SEMA3D: variants seen among roughly 807,000 people sequenced by gnomAD.
SEMA3D encodes semaphorin 3D.
Under a neutral mutation model 100.1 loss-of-function variants are expected in SEMA3D, and 84 were observed. The observed-to-expected ratio is 0.84, with a 90% confidence interval of 0.70 to 1.01. The LOEUF is 1.01. Among genes scored for constraint, SEMA3D ranks in the 50% least tolerant of loss-of-function variants. The pLI, the probability that SEMA3D is intolerant of heterozygous loss-of-function variation, is 0.00. For missense variants in SEMA3D, 875 were observed against 934.1 expected (o/e 0.94, Z 0.82); for synonymous variants, 312 against 320.7 (o/e 0.97, Z 0.29).
intron 2 of SEMA3D, among the ~76,000 whole-genome samples, chr7:85,143,644 A>C (rs73181449): frequency 2.0e-5 from 3 of 152,250 alleles, no homozygotes; most frequent in Admixed American, 6.6e-5. Context: ...TATGCAGCAC[A>C]TGACTGTAAT....
chr7:85,189,188 G>T (rs1386276602), upstream of SEMA3D, among the ~76,000 whole-genome samples: 1 of 152,126 alleles, frequency 6.6e-6, no homozygotes, highest in Non-Finnish European at 1.5e-5. Context: ...CCTCAGCTGT[G>T]TCCATGGCTC....
At chr7:85,091,171 AAAGAAG>A (rs1788382863) in intron 4 of SEMA3D, among the ~76,000 whole-genome samples, 1 of 124,720 alleles carries the variant, frequency 8.0e-6, no homozygotes, top group African/African-American at 4.5e-5. Context: ...GGAAGGAAGG[AAAGAAG>A]GAAGGAAGGA....
At chr7:85,128,154 TTTATTTTA>T (rs963764086) in intron 2 of SEMA3D, among the ~76,000 whole-genome samples, 1 of 151,382 alleles carries the variant, frequency 6.6e-6, no homozygotes, top group African/African-American at 2.4e-5. Flanking sequence ...TTTATTTTAT[TTTATTTTA>T]TTATTTTATT....
At chr7:85,194,858 C>T in the SEMA3D span, among the ~76,000 whole-genome samples, 2 of 151,992 alleles carry the variant, frequency 1.3e-5, no homozygotes, top group Admixed American at 6.6e-5. Flanking sequence ...CATCATCTTT[C>T]GTGTGTGTGT....
intron 16 of SEMA3D, among the ~76,000 whole-genome samples, 157 bp from the exon 17 acceptor site, chr7:85,013,003 A>AT (rs1364403437): frequency 6.6e-6 from 1 of 151,876 alleles, no homozygotes; most frequent in Admixed American, 6.6e-5. Context: ...TCTAACATTG[A>AT]TTTAAAAAAC....
chr7:85,068,334 CA>C lies in SEMA3D; in HGVS notation c.496-51del, dbSNP rs752774497. 9.1e-6 allele frequency: 9 copies of C among 987,630 alleles called. No homozygotes were observed. In the South Asian group the frequency reaches 1.1e-4, roughly 12 times the overall value. 61.2% of individuals were successfully genotyped at this position (987,630 alleles called of 1,614,324 possible). On this transcript the variant is annotated intron_variant, in intron 6 of 18. Transcript: ENST00000284136. ...GTGAACTTTTTAAAAATATTACAAA[CA>C]GTAAGAATGTGGGAGATACAAACTA...
intron 4 of SEMA3D, among the ~76,000 whole-genome samples, chr7:85,091,818 C>T (rs1788402441): frequency 6.6e-6 from 1 of 152,050 alleles, no homozygotes; most frequent in Non-Finnish European, 1.5e-5. Flanking sequence ...AATGTCTATT[C>T]ACAGTTGGCC....
intron 4 of SEMA3D, among the ~76,000 whole-genome samples, chr7:85,091,436 C>T (rs954601542): frequency 1.3e-5 from 2 of 151,372 alleles, no homozygotes; most frequent in Non-Finnish European, 2.9e-5. Flanking sequence ...ACTCAAAAGT[C>T]CAACTAAGTA....
At chr7:85,226,847 C>T in the SEMA3D span, among the ~76,000 whole-genome samples, 3 of 152,182 alleles carry the variant, frequency 2.0e-5, no homozygotes, top group African/African-American at 7.2e-5. Flanking sequence ...GTGCATGCCA[C>T]GTACTTCTTT....
chr7:85,201,271 T>C, the SEMA3D span, among the ~76,000 whole-genome samples: 8 of 152,302 alleles, frequency 5.3e-5, no homozygotes, highest in East Asian at 1.2e-3. Context: ...CTAGAAGCTG[T>C]GCTTTCTGAA....
the SEMA3D span, among the ~76,000 whole-genome samples, chr7:85,232,801 TAAAC>T: frequency 6.6e-6 from 1 of 152,128 alleles, no homozygotes; most frequent in Non-Finnish European, 1.5e-5. Flanking sequence ...TTGAAACAAA[TAAAC>T]AAGCAAGTAA....
chr7:85,057,651 G>T (rs1583879816), intron 8 of SEMA3D, among the ~76,000 whole-genome samples: 1 of 152,090 alleles, frequency 6.6e-6, no homozygotes, highest in African/African-American at 2.4e-5. Context: ...TTAATGTTGG[G>T]GCTGGGTGTG....
intron 1 of SEMA3D, among the ~76,000 whole-genome samples, chr7:85,182,327 T>A (rs531623965): frequency 6.6e-6 from 1 of 152,316 alleles, no homozygotes; most frequent in Admixed American, 6.5e-5. Context: ...AAAGCCCTAA[T>A]ATTAGAAATA....
At chr7:85,209,354 C>G in the SEMA3D span, among the ~76,000 whole-genome samples, 1 of 151,772 alleles carries the variant, frequency 6.6e-6, no homozygotes, top group Non-Finnish European at 1.5e-5. Context: ...AGAACTAAAA[C>G]TTTGTGCAAA....
the SEMA3D span, among the ~76,000 whole-genome samples, chr7:85,227,872 T>C: frequency 6.6e-6 from 1 of 152,136 alleles, no homozygotes; most frequent in Non-Finnish European, 1.5e-5. Context: ...TCACTCCTTG[T>C]GGTCAATCAT....
rs892195421 is a variant in SEMA3D at position 85,074,640 on chromosome 7, T to A, written c.376-1559A>T. Among the ~76,000 whole-genome samples, 1,379 of 147,890 alleles carry A rather than the reference T, an allele frequency of 9.3e-3. 14 individuals carry two copies. The highest frequency in any genetic ancestry group is 0.032 in the African/African-American group (1,238 of 38,544). On this transcript the variant is annotated intron_variant, in intron 5 of 18. Coordinates refer to ENST00000284136, the MANE Select transcript of SEMA3D (RefSeq NM_001384900.1). ...CAACTGGCATATATATATATATATT[T>A]TTTTTTTTTCTTTGAGACAGGCTGC...
Position 85,168,763 on chromosome 7 carries a change from T to C in SEMA3D, c.-172-15024A>G, listed in dbSNP as rs1038516111. ...ATATATATCTGTGTGTCTGTATATA[T>C]ATAAATATATTCATGTTTAAGGAAG... is the stretch of plus-strand genomic sequence containing the variant. On this transcript the variant is annotated intron_variant, in intron 1 of 18. Coordinates refer to ENST00000284136, the MANE Select transcript of SEMA3D (RefSeq NM_001384900.1). Among the ~76,000 whole-genome samples the C allele has an allele frequency of 2.0e-5, 3 of 148,468 alleles. No homozygotes were observed. The South Asian group carries it at 6.3e-4, about 31-fold the overall frequency.
chr7:85,173,388 TG>T (rs759024855), intron 1 of SEMA3D, among the ~76,000 whole-genome samples: 7 of 152,102 alleles, frequency 4.6e-5, no homozygotes, highest in Non-Finnish European at 8.8e-5. Context: ...TACTCTGTCC[TG>T]GCTTCTTCCT....
the SEMA3D span, among the ~76,000 whole-genome samples, chr7:85,247,089 G>A: frequency 1.3e-5 from 2 of 152,004 alleles, no homozygotes; most frequent in Non-Finnish European, 2.9e-5. Flanking sequence ...CCAGGAAGGA[G>A]CTCATAGAGA....
Sources: allele counts gnomAD v4.1 joint callset (sites outside exome capture counted in the v4.1 genomes callset), GRCh38; gene constraint gnomAD v4.1.1; transcripts MANE v1.5; gene names NCBI Gene and HGNC (gene_info 2026-07-23, HGNC 2026-07-21).